NLGN1: variants seen among roughly 807,000 people sequenced by gnomAD.
NLGN1 encodes the protein neuroligin 1, also known as neuroligin-1.
Under a neutral mutation model 65.5 loss-of-function variants are expected in NLGN1, and 12 were observed. That is an observed-to-expected ratio of 0.18 (90% CI 0.12 to 0.30). The LOEUF is 0.30. Among genes scored for constraint, NLGN1 ranks in the 10% least tolerant of loss-of-function variants. The pLI, the probability that NLGN1 is intolerant of heterozygous loss-of-function variation, is 1.00. For missense variants in NLGN1, 750 were observed against 1,007.1 expected, an observed-to-expected ratio of 0.74 and a Z score of 3.46; for synonymous variants, 350 against 359.5, an observed-to-expected ratio of 0.97 and a Z score of 0.30.
intron 3 of NLGN1, among the ~76,000 whole-genome samples, chr3:173,694,187 C>G (rs546071907): frequency 7.9e-5 from 12 of 152,072 alleles, no homozygotes; most frequent in Middle Eastern, 3.4e-3. Flanking sequence ...TTCTCTCTCT[C>G]TTTGTCTTCT....
At chr3:173,436,540 GT>G (rs1187173956) in intron 2 of NLGN1, among the ~76,000 whole-genome samples, 2 of 152,168 alleles carry the variant, frequency 1.3e-5, no homozygotes, top group African/African-American at 4.8e-5. Flanking sequence ...TTTAGGCGTG[GT>G]TTAACTATGT....
intron 4 of NLGN1, among the ~76,000 whole-genome samples, chr3:174,163,626 C>A (rs1262901264): frequency 6.6e-6 from 1 of 152,028 alleles, no homozygotes; most frequent in Non-Finnish European, 1.5e-5. Context: ...TGGTTACCAT[C>A]TTTATGTCCA....
rs111466232 is a variant in NLGN1, at chr3:173,423,903, G to A, written c.-389-11107G>A. On this transcript the variant is annotated intron_variant, in intron 1 of 6. Coordinates refer to ENST00000457714, the Ensembl canonical transcript of NLGN1. ...CCCCACATTTCCCTTCCGCACTTCC[G>A]TAGCAGAGGTTCTCCACGAGGACTC... Among the ~76,000 whole-genome samples the A allele has an allele frequency of 6.6e-3, 998 of 152,252 alleles. 8 individuals are homozygous for A. The highest frequency in any genetic ancestry group is 0.022 in the African/African-American group (932 of 41,540).
chr3:173,690,716 C>T (rs1468686067), intron 3 of NLGN1, among the ~76,000 whole-genome samples: 1 of 152,116 alleles, frequency 6.6e-6, no homozygotes, highest in African/African-American at 2.4e-5. Context: ...CTTCCGTTTA[C>T]AGCAGCACTG....
intron 4 of NLGN1, among the ~76,000 whole-genome samples, chr3:174,073,603 CA>C (rs1351134766): frequency 1.3e-4 from 20 of 152,102 alleles, no homozygotes. Context: ...AGATCATTTT[CA>C]ATGTTTTGGA....
chr3:173,419,439 A>C (rs1457398550), intron 1 of NLGN1, among the ~76,000 whole-genome samples: 1 of 151,706 alleles, frequency 6.6e-6, no homozygotes, highest in Non-Finnish European at 1.5e-5. Flanking sequence ...GGAATTTGGA[A>C]TGTTTCTGGT....
intron 4 of NLGN1, among the ~76,000 whole-genome samples, chr3:174,083,961 TA>T (rs1742771442): frequency 6.6e-6 from 1 of 152,004 alleles, no homozygotes; most frequent in African/African-American, 2.4e-5. Context: ...TGTAGAGGGA[TA>T]AACAGCCTCT....
intron 3 of NLGN1, among the ~76,000 whole-genome samples, chr3:173,706,311 T>A (rs1768033250): frequency 6.6e-6 from 1 of 152,350 alleles, no homozygotes; most frequent in Admixed American, 6.5e-5. Flanking sequence ...AAGCTACCAC[T>A]TTTTAGAAAT....
At chr3:173,637,679 C>T (rs1756810403) in intron 3 of NLGN1, among the ~76,000 whole-genome samples, 1 of 152,044 alleles carries the variant, frequency 6.6e-6, no homozygotes, top group South Asian at 2.1e-4. Context: ...TATTTGTTCT[C>T]TGAGAAGCTT....
At position 174,280,975 on chromosome 3, in the gene NLGN1, A is replaced by G; in HGVS notation, c.2144A>G (p.Gln715Arg). 3 of 1,613,394 alleles carry G rather than the reference A, an allele frequency of 1.9e-6. No homozygotes were observed. Among genetic ancestry groups the G allele is most frequent in the Non-Finnish European group, 2.5e-6 (3 of 1,179,600 alleles). ...GATGTTCACAGGAGATGCAGCCCTC[A>G]GCGCACTACTACCAATGATCTAACC... The change falls in exon 7 of 7, where the codon CAG becomes CGG. Residue 715 changes from glutamine to arginine, a missense_variant. Transcript: ENST00000457714. The surrounding 1 kb of genome is among the most constrained non-coding windows in gnomAD (Gnocchi z 4.9).
At chr3:174,228,573 T>C (rs556860716) in intron 4 of NLGN1, among the ~76,000 whole-genome samples, 11 of 152,154 alleles carry the variant, frequency 7.2e-5, no homozygotes, top group Non-Finnish European at 1.6e-4. Context: ...TAGACGCTAT[T>C]CAGCACTAGG....
At chr3:174,183,604 CAG>C (rs1219637590) in intron 4 of NLGN1, among the ~76,000 whole-genome samples, 5 of 152,036 alleles carry the variant, frequency 3.3e-5, no homozygotes, top group Non-Finnish European at 5.9e-5. Context: ...AAAAAGAAGA[CAG>C]AGGAAGAAAA....
At chr3:174,189,835 A>G (rs528139435) in intron 4 of NLGN1, among the ~76,000 whole-genome samples, 2 of 152,048 alleles carry the variant, frequency 1.3e-5, no homozygotes, top group Non-Finnish European at 2.9e-5. Flanking sequence ...ATAAAAATTG[A>G]TGTTGCAAAA....
intron 4 of NLGN1, among the ~76,000 whole-genome samples, chr3:174,227,907 G>A (rs1340401949): frequency 6.6e-6 from 1 of 151,898 alleles, no homozygotes; most frequent in African/African-American, 2.4e-5. Flanking sequence ...CTTTAAATTT[G>A]GCCACTGTAT....
In NLGN1 at chr3:173,902,693, A is replaced by G. The variant is rs191503853; in HGVS notation, c.646+94861A>G. On this transcript the variant is annotated intron_variant, in intron 4 of 6. Transcript: ENST00000457714. Reference sequence around the variant, plus strand: ...TTTTTTATTACTTAGAGAGAATCATAGAGTAGGCATGGAATAGTGAATTTT... The same window carrying G: ...TTTTTTATTACTTAGAGAGAATCATGGAGTAGGCATGGAATAGTGAATTTT... Among the ~76,000 whole-genome samples the G allele has an allele frequency of 8.3e-4, 126 of 152,234 alleles. 1 individual carries two copies. The highest frequency in any genetic ancestry group is 4.4e-5 in the Non-Finnish European group (3 of 67,990).
rs189252156 is a variant in NLGN1, at chr3:173,533,853, G to A, written c.-320-70426G>A. 1.7e-4 allele frequency among the ~76,000 whole-genome samples: 26 copies of A among 152,136 alleles called. No homozygotes were observed. In the East Asian group the frequency reaches 3.1e-3, roughly 18 times the overall value. ...AAAAATTAACCAGACCTCGTGATGC[G>A]CGCCTATAGTCTCAGCTGCTTGGGA... On this transcript the variant is annotated intron_variant, in intron 2 of 6. Transcript: ENST00000457714.
intron 3 of NLGN1, among the ~76,000 whole-genome samples, chr3:173,641,794 C>A (rs1757457071): frequency 1.3e-5 from 2 of 152,176 alleles, no homozygotes; most frequent in African/African-American, 4.8e-5. Context: ...GCCTGTGAAG[C>A]AAATCCAATC....
At chr3:173,971,770 A>G (rs1363950773) in intron 4 of NLGN1, among the ~76,000 whole-genome samples, 2 of 152,082 alleles carry the variant, frequency 1.3e-5, no homozygotes, top group African/African-American at 4.8e-5. Context: ...ATACTTGTGT[A>G]CATATAAAAA....
At chr3:173,484,107 A>G (rs1320352867) in intron 2 of NLGN1, among the ~76,000 whole-genome samples, 1 of 152,158 alleles carries the variant, frequency 6.6e-6, no homozygotes, top group East Asian at 1.9e-4. Context: ...ATAATATAGT[A>G]TCACCATAAG....
Sources: gnomAD v4.1 joint callset for allele counts (sites outside exome capture counted in the v4.1 genomes callset) on GRCh38, gnomAD v4.1.1 for gene constraint, Gnocchi (gnomAD v3.1) non-coding constraint, MANE v1.5 for transcripts, NCBI Gene and HGNC (gene_info 2026-07-23, HGNC 2026-07-21) for gene names.